LYPD6B: variants seen among roughly 807,000 people sequenced by gnomAD.
LYPD6B encodes ly6/PLAUR domain-containing protein 6B.
LYPD6B carries 17 observed loss-of-function variants against 22.8 expected under a neutral mutation model. The observed-to-expected ratio is 0.75, with a 90% CI of 0.51 to 1.12. LYPD6B has a LOEUF of 1.12. Among genes scored for constraint, LYPD6B ranks in the 50% most tolerant of loss-of-function variants. The pLI, the probability that LYPD6B is intolerant of heterozygous loss-of-function variation, is 0.00. For missense variants in LYPD6B, 221 were observed against 258.3 expected (o/e 0.86, Z 0.99); for synonymous variants, 106 against 91.6 (o/e 1.16, Z -0.90).
intron 1 of LYPD6B, among the ~76,000 whole-genome samples, chr2:149,098,595 C>T (rs1036316990): frequency 1.5e-5 from 2 of 133,308 alleles, no homozygotes; most frequent in African/African-American, 5.7e-5. Context: ...CCATTGAACT[C>T]CAGCCTGGGT....
intron 3 of LYPD6B, among the ~76,000 whole-genome samples, chr2:149,190,156 A>G (rs1215441852): frequency 6.6e-6 from 1 of 152,132 alleles, no homozygotes; most frequent in East Asian, 1.9e-4. Flanking sequence ...CTTACTGAGT[A>G]TATTTATCCA....
At chr2:149,105,614 TATGTAGAAATACAGTTG>T (rs1686434245) in intron 1 of LYPD6B, among the ~76,000 whole-genome samples, 1 of 152,160 alleles carries the variant, frequency 6.6e-6, no homozygotes. Flanking sequence ...TTGTTGCTGG[TATGTAGAAATACAGTTG>T]ATTTTTGTGT....
intron 1 of LYPD6B, among the ~76,000 whole-genome samples, chr2:149,129,147 C>A (rs776957086): frequency 5.3e-5 from 8 of 152,248 alleles, no homozygotes; most frequent in Non-Finnish European, 7.4e-5. Flanking sequence ...AGAAAAAGGT[C>A]CTCTGCTGGT....
rs188222691 is a variant in LYPD6B at position 149,199,226 on chromosome 2, G to A, written c.78-6027G>A. Among the ~76,000 whole-genome samples the A allele has an allele frequency of 7.9e-5, 12 of 152,272 alleles. No individual in the cohort carries two copies. In the East Asian group the frequency reaches 2.3e-3, roughly 29 times the overall value. ...ACCACAACTTAGAAGTTTCCTGTGT[G>A]ACTCTAAGACTCACTTTTCTTACTG... On this transcript the variant is annotated intron_variant, in intron 3 of 6. Transcript: ENST00000409642.
At chr2:149,086,843 C>T (rs557438887) in intron 1 of LYPD6B, among the ~76,000 whole-genome samples, 1 of 152,294 alleles carries the variant, frequency 6.6e-6, no homozygotes, top group African/African-American at 2.4e-5. Context: ...GCTGTCTTTT[C>T]TCTGTGTCTT....
intron 1 of LYPD6B, among the ~76,000 whole-genome samples, chr2:149,098,517 C>G (rs1213032402): frequency 2.6e-5 from 4 of 151,290 alleles, no homozygotes; most frequent in African/African-American, 4.9e-5. Flanking sequence ...ATCCCAGCTA[C>G]TCTGGAGGCT....
chr2:149,052,648 C>A (rs1247569877), intron 1 of LYPD6B, among the ~76,000 whole-genome samples: 1 of 152,174 alleles, frequency 6.6e-6, no homozygotes, highest in Non-Finnish European at 1.5e-5. Context: ...GTTGCCTGGG[C>A]AAAGGAGATG....
At chr2:149,163,118 A>G (rs985409018) in intron 3 of LYPD6B, among the ~76,000 whole-genome samples, 1 of 152,082 alleles carries the variant, frequency 6.6e-6, no homozygotes, top group Non-Finnish European at 1.5e-5. Context: ...GCTGTAAGTT[A>G]CTTTATTTTA....
chr2:149,113,399 G>T (rs1295826773), intron 1 of LYPD6B, among the ~76,000 whole-genome samples: 1 of 152,108 alleles, frequency 6.6e-6, no homozygotes, highest in Non-Finnish European at 1.5e-5. Context: ...GGAAAAGGAT[G>T]GAAGGATATC....
chr2:149,160,697 C>T, intron 2 of LYPD6B, 67 bp from the exon 3 acceptor site: 1 of 1,120,904 alleles, frequency 8.9e-7, no homozygotes. Context: ...GAAAACATTC[C>T]AGTTGTTCAA....
chr2:149,057,935 A>G (rs1340605720), intron 1 of LYPD6B, among the ~76,000 whole-genome samples: 2 of 152,174 alleles, frequency 1.3e-5, no homozygotes, highest in Non-Finnish European at 2.9e-5. Flanking sequence ...ACCATAGCCT[A>G]AGCCCTAGAG....
chr2:149,096,014 C>A (rs551598308), intron 1 of LYPD6B, among the ~76,000 whole-genome samples: 1 of 151,342 alleles, frequency 6.6e-6, no homozygotes, highest in South Asian at 2.1e-4. Flanking sequence ...CACAGAAAGA[C>A]CCATGTAGAG....
chr2:149,193,935 C>T (rs998053985), intron 3 of LYPD6B, among the ~76,000 whole-genome samples: 21 of 152,236 alleles, frequency 1.4e-4, no homozygotes, highest in African/African-American at 4.6e-4. Context: ...TGGGCTTCAG[C>T]GCTATGTCCA....
chr2:149,052,036 C>T (rs569262267), intron 1 of LYPD6B, among the ~76,000 whole-genome samples: 1 of 152,046 alleles, frequency 6.6e-6, no homozygotes, highest in Non-Finnish European at 1.5e-5. Context: ...TGCCTTTTCT[C>T]CTAAGCCTCA....
chr2:149,105,100 A>G (rs921931156), intron 1 of LYPD6B, among the ~76,000 whole-genome samples: 1 of 152,188 alleles, frequency 6.6e-6, no homozygotes, highest in African/African-American at 2.4e-5. Flanking sequence ...CCATTGCTGA[A>G]AAGTCTATCC....
At chr2:149,159,057 T>G (rs138086780) in intron 2 of LYPD6B, among the ~76,000 whole-genome samples, 237 of 151,652 alleles carry the variant, frequency 1.6e-3, no homozygotes, top group African/African-American at 5.5e-3. Flanking sequence ...GATTTTTATG[T>G]TTTTTTTTCC....
intron 1 of LYPD6B, among the ~76,000 whole-genome samples, chr2:149,066,765 C>CAGGAA (rs1684355962): frequency 1.3e-5 from 2 of 152,128 alleles, no homozygotes; most frequent in African/African-American, 4.8e-5. Context: ...CTCTGCACTA[C>CAGGAA]TTCCTCTCTT....
intron 3 of LYPD6B, among the ~76,000 whole-genome samples, chr2:149,173,079 G>GA (rs1690964006): frequency 6.6e-6 from 1 of 151,082 alleles, no homozygotes; most frequent in Non-Finnish European, 1.5e-5. Context: ...AATTTCTCTG[G>GA]AAAAACCTGA....
intron 1 of LYPD6B, among the ~76,000 whole-genome samples, chr2:149,067,922 G>A (rs748158959): frequency 1.8e-4 from 27 of 152,130 alleles, no homozygotes; most frequent in Non-Finnish European, 3.5e-4. Context: ...GGAAGAATGC[G>A]TGACCACCCT....
Sources: allele counts gnomAD v4.1 joint callset (sites outside exome capture counted in the v4.1 genomes callset), GRCh38; gene constraint gnomAD v4.1.1; transcripts MANE v1.5; gene names NCBI Gene and HGNC (gene_info 2026-07-23, HGNC 2026-07-21).